TMEM108: variants seen among roughly 807,000 people sequenced by gnomAD.
TMEM108 encodes cancer/testis antigen 124.
In TMEM108, 12 loss-of-function variants were observed where a neutral mutation model predicts 35.1. That is an observed-to-expected ratio of 0.34 (90% confidence interval 0.22 to 0.55). The LOEUF (loss-of-function observed/expected upper bound fraction) is 0.55. Among genes scored for constraint, TMEM108 ranks in the 20% least tolerant of loss-of-function variants. The pLI is 0.89. For missense variants in TMEM108, 680 were observed against 753.3 expected, an observed-to-expected ratio of 0.90 and a Z score of 1.14; for synonymous variants, 287 against 308.6, an observed-to-expected ratio of 0.93 and a Z score of 0.73.
At chr3:133,312,673 C>T (rs2071148626) in intron 3 of TMEM108, among the ~76,000 whole-genome samples, 1 of 152,250 alleles carries the variant, frequency 6.6e-6, no homozygotes, top group African/African-American at 2.4e-5. Flanking sequence ...CCCCTGACCC[C>T]TTGTGCTTCC....
At chr3:133,312,374 G>A (rs997753049) in intron 3 of TMEM108, among the ~76,000 whole-genome samples, 1 of 152,218 alleles carries the variant, frequency 6.6e-6, no homozygotes. Flanking sequence ...TTGCTGAGCT[G>A]TGGTGGGCTC....
intron 2 of TMEM108, among the ~76,000 whole-genome samples, chr3:133,134,120 T>A (rs1215033415): frequency 6.6e-6 from 1 of 151,692 alleles, no homozygotes; most frequent in Non-Finnish European, 1.5e-5. Flanking sequence ...GTATAGATTA[T>A]ATATATATGT....
chr3:133,066,571 C>T (rs574744815), intron 2 of TMEM108, among the ~76,000 whole-genome samples: 1 of 152,178 alleles, frequency 6.6e-6, no homozygotes. Context: ...TTAAAAAGGA[C>T]CTCTATTCCA....
chr3:133,216,324 C>A (rs1432320050), intron 2 of TMEM108, among the ~76,000 whole-genome samples: 2 of 152,080 alleles, frequency 1.3e-5, no homozygotes, highest in East Asian at 3.9e-4. Context: ...GCTCACTCTC[C>A]TTAAGTAAGG....
chr3:133,080,805 G>T (rs566091412), intron 2 of TMEM108, among the ~76,000 whole-genome samples: 2 of 152,106 alleles, frequency 1.3e-5, no homozygotes, highest in African/African-American at 4.8e-5. Context: ...CTTAATATTT[G>T]GATATTTTCT....
At chr3:133,371,026 G>A (rs925448653) in intron 3 of TMEM108, among the ~76,000 whole-genome samples, 1 of 151,988 alleles carries the variant, frequency 6.6e-6, no homozygotes, top group Non-Finnish European at 1.5e-5. Context: ...AAAGAGCCTG[G>A]CATTGAGATG....
rs112575555 is a variant in TMEM108 at position 133,165,957 on chromosome 3, T to G, written c.-46-63309T>G. Among the ~76,000 whole-genome samples, 1,301 of 152,332 alleles carry G rather than the reference T, an allele frequency of 8.5e-3. 12 individuals carry two copies. The highest frequency in any genetic ancestry group is 0.029 in the African/African-American group (1,205 of 41,574). ...CATGAAGGCACCCAAGTGGGCAACA[T>G]CTGTGAACCAGCCAGAATCAGTCCA... On this transcript the variant is annotated intron_variant, in intron 2 of 5. Coordinates refer to ENST00000321871, the MANE Select transcript of TMEM108 (RefSeq NM_023943.4).
chr3:133,124,390 TGAA>T (rs1944389602), intron 2 of TMEM108, among the ~76,000 whole-genome samples: 1 of 152,186 alleles, frequency 6.6e-6, no homozygotes, highest in South Asian at 2.1e-4. Context: ...TAGCTGAAGA[TGAA>T]GGAGATTTGA....
intron 3 of TMEM108, among the ~76,000 whole-genome samples, chr3:133,364,517 G>A (rs1462253645): frequency 1.3e-5 from 2 of 152,154 alleles, no homozygotes; most frequent in Non-Finnish European, 2.9e-5. Flanking sequence ...GAGCTTCCAG[G>A]ATAATGGAAG....
chr3:133,075,189 C>G (rs556601890), intron 2 of TMEM108, among the ~76,000 whole-genome samples: 2 of 152,318 alleles, frequency 1.3e-5, no homozygotes, highest in African/African-American at 4.8e-5. Context: ...AACAATACTG[C>G]TGTCAGCAGC....
chr3:133,155,304 A>G (rs1198816835), intron 2 of TMEM108, among the ~76,000 whole-genome samples: 1 of 152,116 alleles, frequency 6.6e-6, no homozygotes, highest in African/African-American at 2.4e-5. Flanking sequence ...TATTGTGAGT[A>G]GTGCTGCAAT....
intron 3 of TMEM108, among the ~76,000 whole-genome samples, chr3:133,362,221 T>G (rs1176128419): frequency 6.6e-6 from 1 of 152,178 alleles, no homozygotes; most frequent in Non-Finnish European, 1.5e-5. Context: ...TGCATGAAGA[T>G]GATATCATTG....
In TMEM108 at chr3:133,169,037, T is replaced by C. The variant is rs184208434; in HGVS notation, c.-46-60229T>C. On this transcript the variant is annotated intron_variant, in intron 2 of 5. Coordinates refer to ENST00000321871, the MANE Select transcript of TMEM108 (RefSeq NM_023943.4). Reference sequence around the variant, plus strand: ...GAAGGAGCAAACTCCAGACACACCATCTTTAAGAACTGTAACACTCACCGT... The same window carrying C: ...GAAGGAGCAAACTCCAGACACACCACCTTTAAGAACTGTAACACTCACCGT... Among the ~76,000 whole-genome samples, 55 of 152,258 alleles carry C rather than the reference T, an allele frequency of 3.6e-4. No homozygotes were observed. The East Asian group carries it at 0.01, about 28-fold the overall frequency.
chr3:133,397,056 A>G lies in TMEM108; in HGVS notation c.*1070A>G, dbSNP rs1433475881. 3 of 152,238 alleles carry G rather than the reference A, an allele frequency of 2.0e-5. No homozygotes were observed. The East Asian group carries it at 5.8e-4, about 29-fold the overall frequency. The allele number at this position is 152,238 out of a possible 1,614,324, so 9.4% of individuals were successfully genotyped here. A position where few individuals can be genotyped will look rare whatever the true frequency, so the allele number is the denominator to read the frequency against. On this transcript the variant is annotated 3_prime_UTR_variant, in exon 6 of 6. Coordinates refer to ENST00000321871, the MANE Select transcript of TMEM108 (RefSeq NM_023943.4). ...ACCTGCTCGCAGCACCAGCCGGTGG[A>G]CTTGCCATCCAGCTCTCAGCTTCCA...
At position 133,092,539 on chromosome 3, in the gene TMEM108, T is replaced by C. The variant is rs1470966977; in HGVS notation, c.-47+46519T>C. 3.3e-5 allele frequency among the ~76,000 whole-genome samples: 5 copies of C among 152,330 alleles called. No homozygotes were observed. The South Asian group carries it at 1.0e-3, about 32-fold the overall frequency. On this transcript the variant is annotated intron_variant, in intron 2 of 5. Transcript: ENST00000321871. ...CTGACACAATGGCCATTATTATTAC[T>C]TTGATTTTTAACCCTGTTTTTAGAA...
chr3:133,265,508 G>A (rs571055216), intron 3 of TMEM108, among the ~76,000 whole-genome samples: 116 of 152,250 alleles, frequency 7.6e-4, no homozygotes, highest in Non-Finnish European at 1.3e-3. Context: ...AACCCAATGT[G>A]TGGGAGCCTT....
chr3:133,295,892 A>G (rs1005588873), intron 3 of TMEM108, among the ~76,000 whole-genome samples: 5 of 152,220 alleles, frequency 3.3e-5, no homozygotes, highest in Admixed American at 3.3e-4. Context: ...CAGTTCACCA[A>G]GGCCCCCTGA....
intron 3 of TMEM108, among the ~76,000 whole-genome samples, chr3:133,250,167 C>T (rs1192875813): frequency 6.6e-6 from 1 of 152,144 alleles, no homozygotes. Flanking sequence ...AAATAGACTT[C>T]TCATGCATTA....
intron 3 of TMEM108, among the ~76,000 whole-genome samples, chr3:133,255,377 A>G (rs185049528): frequency 1.7e-4 from 26 of 152,252 alleles, no homozygotes; most frequent in Non-Finnish European, 3.7e-4. Flanking sequence ...AAAAACATGT[A>G]ATTATTGGAA....
Sources: allele counts gnomAD v4.1 joint callset (sites outside exome capture counted in the v4.1 genomes callset), GRCh38; gene constraint gnomAD v4.1.1; transcripts MANE v1.5; gene names NCBI Gene and HGNC (gene_info 2026-07-23, HGNC 2026-07-21).